Variants in SNF8 observed in about 807,000 individuals in gnomAD.
SNF8 encodes the protein vacuolar-sorting protein SNF8.
Under a neutral mutation model 36.8 loss-of-function variants are expected in SNF8, and 19 were observed. That is an observed-to-expected ratio of 0.52 (90% CI 0.36 to 0.76). SNF8 has a LOEUF of 0.76. SNF8 is among the 30% of genes least tolerant of loss of function. The pLI is 0.00. For synonymous variants in SNF8, 127 were observed against 127.4 expected (o/e 1.00, Z 0.02); for missense variants, 268 against 322.9 (o/e 0.83, Z 1.30).
At chr17:48,944,264 T>A in intron 1 of SNF8, 1 of 447,950 alleles carries the variant, frequency 2.2e-6, no homozygotes, top group Admixed American at 3.5e-5. Flanking sequence ...ATCGCGCCAC[T>A]GCACTCCAAC....
rs139385666 is a variant in SNF8, at chr17:48,931,869, A to G, written c.565-152T>C. ...AAAATGTTTAAAGGTTCCAGCGGGG[A>G]GAGAGAGAAGTGACTTTCAGCATGA... On this transcript the variant is annotated intron_variant, in intron 6 of 7. Coordinates refer to ENST00000502492, the MANE Select transcript of SNF8 (RefSeq NM_007241.4). 2,712 of 565,784 alleles carry G rather than the reference A, an allele frequency of 4.8e-3. 11 individuals carry two copies. Among genetic ancestry groups the G allele is most frequent in the Admixed American group, 7.0e-3 (202 of 28,916 alleles). 35.0% of individuals were successfully genotyped at this position (565,784 alleles called of 1,614,324 possible).
chr17:48,936,532 A>G, intron 4 of SNF8: 1 of 325,008 alleles, frequency 3.1e-6, no homozygotes, highest in South Asian at 4.3e-5. Flanking sequence ...ATAGTTGATG[A>G]TGATTTGTAA....
chr17:48,944,744 G>C lies in SNF8; in HGVS notation c.-10C>G. ...CCCCGCGGCGGTGCATCCCCACCCTGGGCCCGCGGGCCGCCCGGCTGCCGG... is the reference window on the plus strand; with the variant it reads ...CCCCGCGGCGGTGCATCCCCACCCTCGGCCCGCGGGCCGCCCGGCTGCCGG... On this transcript the variant is annotated 5_prime_UTR_variant, in exon 1 of 8. Transcript: ENST00000502492. 1 of 1,595,450 alleles carries C rather than the reference G, an allele frequency of 6.3e-7. No individual in the cohort carries two copies.
intron 2 of SNF8, 65 bp downstream of exon 2, chr17:48,943,860 C>G: frequency 7.1e-7 from 1 of 1,402,586 alleles, no homozygotes; most frequent in Non-Finnish European, 1.0e-6. Flanking sequence ...AAGTTCGTAT[C>G]CAAGGTGTCT....
At position 48,936,170 on chromosome 17, in the gene SNF8, T is replaced by C. The variant is rs1464284874; in HGVS notation, c.422A>G (p.Gln141Arg). The part of the protein sequence containing the change: ...GRGKFAQDVS[Q>R]DDLIRAIKKL... ...CAAGGGATTGGAAGACAAGACCTAC[T>C]GACTGACATCCTGGGCGAACTTGCC... Residue 141 changes from glutamine (Q) to arginine (R), a missense_variant and splice_region_variant, in exon 5 of 8, where the codon CAA becomes CGA. Coordinates refer to ENST00000502492, the MANE Select transcript of SNF8 (RefSeq NM_007241.4). 6 of 1,612,258 alleles carry C rather than the reference T, an allele frequency of 3.7e-6. No homozygotes were observed. The Admixed American group carries it at 5.0e-5, about 13-fold the overall frequency.
At chr17:48,940,087 A>AAC (rs1290243516) in intron 3 of SNF8, among the ~76,000 whole-genome samples, 1 of 150,930 alleles carries the variant, frequency 6.6e-6, no homozygotes, top group Admixed American at 6.6e-5. Context: ...AAAAAAAAAA[A>AAC]AAAAAATTTT....
intron 3 of SNF8, among the ~76,000 whole-genome samples, chr17:48,938,106 A>G (rs1020356305): frequency 2.6e-5 from 4 of 152,294 alleles, no homozygotes; most frequent in African/African-American, 9.6e-5. Context: ...ATGCAGACTC[A>G]GCATTCAAAA....
Position 48,941,081 on chromosome 17 carries a change from G to T in SNF8, c.106-19C>A. On this transcript the variant is annotated intron_variant, in intron 2 of 7. Transcript: ENST00000502492. ...TTGACATCTGTTGGATGGACAGGGA[G>T]TGGTGAAGGGCAGCCCAGCCAAATG... 1 of 1,610,550 alleles carries T rather than the reference G, an allele frequency of 6.2e-7. No individual in the cohort carries two copies. Among genetic ancestry groups the T allele is most frequent in the Non-Finnish European group, 8.5e-7 (1 of 1,177,290 alleles).
intron 5 of SNF8, among the ~76,000 whole-genome samples, chr17:48,935,157 G>A (rs1182464547): frequency 6.6e-6 from 1 of 151,640 alleles, no homozygotes; most frequent in Admixed American, 6.6e-5. Context: ...GATCACTTGA[G>A]GCCAGGAGTT....
chr17:48,939,779 T>C (rs544033239), intron 3 of SNF8, among the ~76,000 whole-genome samples: 1 of 151,736 alleles, frequency 6.6e-6, no homozygotes, highest in Non-Finnish European at 1.5e-5. Flanking sequence ...TTAAAGTTTA[T>C]AAGTATGAGG....
chr17:48,938,460 C>A (rs2040968228), intron 3 of SNF8, among the ~76,000 whole-genome samples: 1 of 142,698 alleles, frequency 7.0e-6, no homozygotes, highest in Non-Finnish European at 1.5e-5. Context: ...CACGCCATTG[C>A]ACTCCAGCCT....
intron 4 of SNF8, 41 bp from the exon 5 acceptor site, chr17:48,936,283 C>A: frequency 6.7e-7 from 1 of 1,492,352 alleles, no homozygotes; most frequent in African/African-American, 1.4e-5. Flanking sequence ...AAAGAGATTA[C>A]CCACTTTAAA....
intron 3 of SNF8, among the ~76,000 whole-genome samples, chr17:48,937,941 T>A (rs117240351): frequency 1.8e-5 from 1 of 54,616 alleles, no homozygotes; most frequent in African/African-American, 7.0e-5. Context: ...AATAAATAAA[T>A]AAAAATAAAT....
intron 7 of SNF8, among the ~76,000 whole-genome samples, chr17:48,930,906 C>T (rs537191225): frequency 6.6e-6 from 1 of 152,278 alleles, no homozygotes; most frequent in African/African-American, 2.4e-5. Context: ...GCTGTGTGGC[C>T]TTCAGCAAAT....
At chr17:48,932,007 G>A (rs950070075) in intron 6 of SNF8, 12 of 213,878 alleles carry the variant, frequency 5.6e-5, no homozygotes, top group Non-Finnish European at 8.4e-5. Context: ...ATCACCTGAC[G>A]TCAGGAGTTC....
At chr17:48,930,741 A>G (rs1174516447) in intron 7 of SNF8, 129 bp from the exon 8 acceptor site, 1 of 947,912 alleles carries the variant, frequency 1.1e-6, no homozygotes. Flanking sequence ...AGTGCCTTCA[A>G]ACCTTTACAC....
Position 48,944,815 on chromosome 17 carries a change from G to C in SNF8, c.-81C>G. ...CGGACTCCGCCGCCGGCTCCCCAAG[G>C]CGGAAGCCCGAGCCGCGCGTCATCT... On this transcript the variant is annotated 5_prime_UTR_variant, in exon 1 of 8. Coordinates refer to ENST00000502492, the MANE Select transcript of SNF8 (RefSeq NM_007241.4). 7.0e-7 allele frequency: 1 copy of C among 1,425,308 alleles called. No individual in the cohort carries two copies. Among genetic ancestry groups the C allele is most frequent in the Admixed American group, 3.2e-5 (1 of 30,774 alleles). 88.3% of individuals were successfully genotyped at this position (1,425,308 alleles called of 1,614,324 possible).
chr17:48,937,392 T>C (rs2132200), intron 3 of SNF8: 548,551 of 552,220 alleles, frequency 0.99, 272,556 homozygotes, highest in East Asian at 1. Flanking sequence ...CTTTGGGACA[T>C]CGAGCTAGGT....
chr17:48,944,752 G>T lies in SNF8; in HGVS notation c.-18C>A. ...CGGTGCATCCCCACCCTGGGCCCGCGGGCCGCCCGGCTGCCGGGACCCCGG... is the reference window on the plus strand; with the variant it reads ...CGGTGCATCCCCACCCTGGGCCCGCTGGCCGCCCGGCTGCCGGGACCCCGG... On this transcript the variant is annotated 5_prime_UTR_variant, in exon 1 of 8. Coordinates refer to ENST00000502492, the MANE Select transcript of SNF8 (RefSeq NM_007241.4). 1 of 1,592,926 alleles carries T rather than the reference G, an allele frequency of 6.3e-7. No individual in the cohort carries two copies.
Sources: allele counts gnomAD v4.1 joint callset (sites outside exome capture counted in the v4.1 genomes callset), GRCh38; gene constraint gnomAD v4.1.1; transcripts MANE v1.5; gene names NCBI Gene and HGNC (gene_info 2026-07-23, HGNC 2026-07-21).